Variants in ATP2B2 observed in about 807,000 individuals in gnomAD.
The protein encoded by ATP2B2 is ATPase plasma membrane Ca2+ transporting 2.
A neutral mutation model predicts 120.0 loss-of-function variants in ATP2B2; 15 were observed. The observed-to-expected ratio is 0.12, with a 90% CI of 0.08 to 0.19. The LOEUF (loss-of-function observed/expected upper bound fraction) is 0.19, where lower values mean the gene tolerates loss of function less well. ATP2B2 is among the 10% of genes least tolerant of loss of function. The pLI is 1.00. For missense variants in ATP2B2, 1,045 were observed against 1,719.8 expected, an observed-to-expected ratio of 0.61 and a Z score of 6.94; for synonymous variants, 694 against 700.3, an observed-to-expected ratio of 0.99 and a Z score of 0.14.
chr3:10,559,600 A>G (rs1292683300), intron 2 of ATP2B2, among the ~76,000 whole-genome samples: 2 of 152,056 alleles, frequency 1.3e-5, no homozygotes, highest in East Asian at 3.9e-4. Flanking sequence ...GATCCAGGGT[A>G]CAGAGAGATG....
chr3:10,543,203 A>G (rs2067475348), intron 2 of ATP2B2, among the ~76,000 whole-genome samples: 1 of 152,166 alleles, frequency 6.6e-6, no homozygotes, highest in African/African-American at 2.4e-5. Context: ...CTGCTTTTGA[A>G]CCTGAACTTG....
intron 2 of ATP2B2, among the ~76,000 whole-genome samples, chr3:10,548,764 A>G (rs1411184320): frequency 6.6e-6 from 1 of 152,218 alleles, no homozygotes; most frequent in Admixed American, 6.5e-5. Context: ...GGAAGAACCC[A>G]GTCTAAGGGA....
At chr3:10,414,038 G>T (rs1443611409) in intron 2 of ATP2B2, among the ~76,000 whole-genome samples, 1 of 152,182 alleles carries the variant, frequency 6.6e-6, no homozygotes, top group Non-Finnish European at 1.5e-5. Flanking sequence ...AAGATGGGTA[G>T]GTCCTGAGAA....
intron 2 of ATP2B2, among the ~76,000 whole-genome samples, chr3:10,594,992 A>G (rs898727258): frequency 6.6e-6 from 1 of 152,226 alleles, no homozygotes; most frequent in African/African-American, 2.4e-5. Context: ...AGCAACCACC[A>G]TCAATTCGAA....
intron 2 of ATP2B2, among the ~76,000 whole-genome samples, chr3:10,605,459 G>A (rs1356729960): frequency 3.3e-5 from 5 of 152,082 alleles, no homozygotes; most frequent in African/African-American, 4.8e-5. Flanking sequence ...CTTTTTCCCT[G>A]CCTGACAAGT....
At chr3:10,455,472 G>C (rs2064219386) in intron 1 of ATP2B2, among the ~76,000 whole-genome samples, 1 of 152,232 alleles carries the variant, frequency 6.6e-6, no homozygotes, top group East Asian at 1.9e-4. Context: ...TGTAAAGTGG[G>C]GATGACCCTG....
intron 1 of ATP2B2, among the ~76,000 whole-genome samples, chr3:10,499,076 A>G (rs2066274798): frequency 6.6e-6 from 1 of 152,236 alleles, no homozygotes; most frequent in South Asian, 2.1e-4. Context: ...AAGGTCACAC[A>G]GTAGTAAACA....
At chr3:10,488,120 C>CCCAT (rs1415070265) in intron 1 of ATP2B2, among the ~76,000 whole-genome samples, 4 of 149,308 alleles carry the variant, frequency 2.7e-5, no homozygotes, top group Admixed American at 6.7e-5. Flanking sequence ...CATCCATCCA[C>CCCAT]CCATCCATCC....
intron 1 of ATP2B2, among the ~76,000 whole-genome samples, chr3:10,503,845 C>A (rs560403947): frequency 6.6e-6 from 1 of 152,340 alleles, no homozygotes; most frequent in East Asian, 1.9e-4. Context: ...CTACTGCTTT[C>A]CCGTGTTAGT....
At chr3:10,433,495 T>C (rs1418072794) in intron 2 of ATP2B2, among the ~76,000 whole-genome samples, 1 of 152,124 alleles carries the variant, frequency 6.6e-6, no homozygotes, top group Non-Finnish European at 1.5e-5. Context: ...CAAAGATAAG[T>C]CCTGACTCTG....
At chr3:10,370,725 A>G (rs1403079954) in intron 12 of ATP2B2, among the ~76,000 whole-genome samples, 5 of 152,206 alleles carry the variant, frequency 3.3e-5, no homozygotes, top group Non-Finnish European at 5.9e-5. Context: ...AGAAGGTTGC[A>G]GCTGGCTCAG....
intron 1 of ATP2B2, among the ~76,000 whole-genome samples, chr3:10,497,430 C>T (rs2066197602): frequency 6.6e-6 from 1 of 152,326 alleles, no homozygotes; most frequent in African/African-American, 2.4e-5. Flanking sequence ...GCCTCAACTG[C>T]TATTATTTTA....
At chr3:10,630,548 A>T (rs2069834445) in intron 1 of ATP2B2, among the ~76,000 whole-genome samples, 1 of 152,176 alleles carries the variant, frequency 6.6e-6, no homozygotes, top group African/African-American at 2.4e-5. Context: ...TATATGTACC[A>T]CATTTTCTTT....
At position 10,402,003 on chromosome 3, in the gene ATP2B2, T is replaced by G. The variant is rs2062236628; in HGVS notation, c.655+88A>C. Reference sequence around the variant, plus strand: ...AGCCTTCAGGAATGCATCCCCTTCCTTGAGCCAATCTCTTTGCATCAGCCT... The same window carrying G: ...AGCCTTCAGGAATGCATCCCCTTCCGTGAGCCAATCTCTTTGCATCAGCCT... On this transcript the variant is annotated intron_variant, in intron 4 of 22. Coordinates refer to ENST00000360273, the MANE Select transcript of ATP2B2 (RefSeq NM_001001331.4). The surrounding 1 kb of genome is among the most constrained non-coding windows in gnomAD (Gnocchi z 4.9). 1 of 1,596,166 alleles carries G rather than the reference T, an allele frequency of 6.3e-7. No homozygotes were observed. Among genetic ancestry groups the G allele is most frequent in the East Asian group, 2.2e-5 (1 of 44,822 alleles).
At chr3:10,540,794 A>T (rs2067421445) in intron 2 of ATP2B2, among the ~76,000 whole-genome samples, 1 of 151,888 alleles carries the variant, frequency 6.6e-6, no homozygotes, top group East Asian at 1.9e-4. Context: ...GGTGCAGCAC[A>T]GCAACATGGT....
At chr3:10,371,578 G>A (rs1418755009) in intron 12 of ATP2B2, among the ~76,000 whole-genome samples, 3 of 152,182 alleles carry the variant, frequency 2.0e-5, no homozygotes, top group South Asian at 2.1e-4. Context: ...GGGGTTCAAC[G>A]ACAGGATTTA....
intron 1 of ATP2B2, among the ~76,000 whole-genome samples, chr3:10,485,159 T>C (rs540988345): frequency 2.2e-4 from 33 of 152,330 alleles, no homozygotes; most frequent in Admixed American, 1.2e-3. Flanking sequence ...GCCAAAGTCA[T>C]CACCACCACC....
chr3:10,538,310 G>T (rs1253211601), intron 2 of ATP2B2, among the ~76,000 whole-genome samples: 1 of 152,142 alleles, frequency 6.6e-6, no homozygotes, highest in Admixed American at 6.5e-5. Context: ...AAGAGGAGCT[G>T]GTACCATTCC....
chr3:10,370,440 G>A (rs1177661761), intron 12 of ATP2B2, among the ~76,000 whole-genome samples: 2 of 152,182 alleles, frequency 1.3e-5, no homozygotes, highest in Admixed American at 6.5e-5. Flanking sequence ...GTGGGGTGGG[G>A]GAAGAAGACA....
Sources: gnomAD v4.1 joint callset for allele counts (sites outside exome capture counted in the v4.1 genomes callset) on GRCh38, gnomAD v4.1.1 for gene constraint, Gnocchi (gnomAD v3.1) non-coding constraint, MANE v1.5 for transcripts, NCBI Gene and HGNC (gene_info 2026-07-23, HGNC 2026-07-21) for gene names.